The following TMEM25 variants were observed in gnomAD, a reference collection of about 807,000 sequenced individuals.
TMEM25 encodes transmembrane protein 25, also known as 0610039J01Rik.
A neutral mutation model predicts 37.0 loss-of-function variants in TMEM25; 36 were observed. The observed-to-expected ratio is 0.97, with a 90% confidence interval of 0.75 to 1.28. The LOEUF is 1.28. Among genes scored for constraint, TMEM25 ranks in the 50% most tolerant of loss-of-function variants. The probability of loss-of-function intolerance (pLI) is 0.00; values close to 1 mark genes in which losing one functional copy is unlikely to be tolerated. For missense variants in TMEM25, 444 were observed against 477.9 expected, an observed-to-expected ratio of 0.93 and a Z score of 0.66; for synonymous variants, 197 against 203.7, an observed-to-expected ratio of 0.97 and a Z score of 0.28.
downstream of TMEM25, among the ~76,000 whole-genome samples, chr11:118,536,908 T>G (rs1462266596): frequency 6.6e-6 from 1 of 152,160 alleles, no homozygotes; most frequent in Non-Finnish European, 1.5e-5. Flanking sequence ...TGTGTCTTGC[T>G]CTATGACTCA....
Position 118,535,536 on chromosome 11 carries a change from C to T in TMEM25, c.*956C>T. The stretch of plus-strand genomic sequence containing the variant: ...GTCTCCTCCACCACGGGACCCCAGC[C>T]CTGACCAACCCATGGTTGCCTCATC... On this transcript the variant is annotated 3_prime_UTR_variant, in exon 9 of 9. Transcript: ENST00000313236. The T allele has an allele frequency of 2.6e-6, 4 of 1,535,766 alleles. No homozygotes were observed. The highest frequency in any genetic ancestry group is 2.6e-6 in the Non-Finnish European group (3 of 1,146,704).
At chr11:118,533,574 AG>A (rs1456449980) in intron 5 of TMEM25, 23 bp downstream of exon 5, 1 of 1,613,422 alleles carries the variant, frequency 6.2e-7, no homozygotes, top group Non-Finnish European at 8.5e-7. Flanking sequence ...CACTGGGGGC[AG>A]TGTGGATGAG....
chr11:118,532,396 A>C lies in TMEM25; in HGVS notation c.317A>C (p.Asn106Thr), dbSNP rs372213357. The change falls in exon 3 of 9, where the codon AAC becomes ACC. Residue 106 changes from asparagine to threonine, a missense_variant. Asn to Thr is a moderately conservative substitution (Grantham distance 65, BLOSUM62 0). Transcript: ENST00000313236. ...GCCCATCGGGCCCAGCATGAGCTCA[A>C]CTGCTCTCTGCAGGACCCCAGAAGT... ...VTAHRAQHEL[N>T]CSLQDPRSGR... is the part of the protein sequence containing the mutation. 6.2e-7 allele frequency: 1 copy of C among 1,612,692 alleles called. No homozygotes were observed. Among genetic ancestry groups the C allele is most frequent in the South Asian group, 1.1e-5 (1 of 91,044 alleles).
Position 118,534,544 on chromosome 11 carries a change from AGTGTCCAGC to A in TMEM25, c.1069_1077del (p.Val359_Ser361del). On this transcript the variant is annotated inframe_deletion, in exon 9 of 9. Coordinates refer to ENST00000313236, the MANE Select transcript of TMEM25 (RefSeq NM_032780.4). The surrounding 1 kb of genome is among the most constrained non-coding windows in gnomAD (Gnocchi z 4.6). ...TCCCAGTGCTGGGCTATATCTATCG[AGTGTCCAGC>A]GTGAGCAGTGATGAGATCTGGCTCT... is the stretch of plus-strand genomic sequence containing the variant. The A allele has an allele frequency of 6.2e-7, 1 of 1,614,148 alleles. No individual in the cohort carries two copies. The highest frequency in any genetic ancestry group is 8.5e-7 in the Non-Finnish European group (1 of 1,180,022).
chr11:118,539,929 GA>G (rs1555064870), downstream of TMEM25, among the ~76,000 whole-genome samples: 1 of 149,524 alleles, frequency 6.7e-6, no homozygotes, highest in Admixed American at 6.7e-5. Flanking sequence ...GCTGAGGCAT[GA>G]GAATTGCTTG....
At chr11:118,547,058 A>T (rs2135471774), downstream of TMEM25, 1 of 152,314 alleles carries the variant, frequency 6.6e-6, no homozygotes, top group East Asian at 1.9e-4. Flanking sequence ...ATAATATTCC[A>T]TTGCATAGTA....
In TMEM25 at chr11:118,533,202, C is replaced by A; in HGVS notation, c.668C>A (p.Ala223Asp). Residue 223 changes from alanine to aspartate, a missense_variant, in exon 4 of 9, where the codon GCC becomes GAC. Coordinates refer to ENST00000313236, the MANE Select transcript of TMEM25 (RefSeq NM_032780.4). ...DVGVTSASLP[A>D]PGLLATRVEV... ...GGTGTCACCAGTGCGTCGCTTCCAG[C>A]CCCAGGTGAGCATGGCCAGCAAGCG... 1.3e-6 allele frequency: 2 copies of A among 1,591,300 alleles called. No homozygotes were observed. Among genetic ancestry groups the A allele is most frequent in the Non-Finnish European group, 1.7e-6 (2 of 1,172,540 alleles).
rs1489946155 is a variant in TMEM25, at chr11:118,535,278, C to T, written c.*698C>T. ...ACTTTTCTATTGGCCTGTGCCATCG[C>T]CCAGTATTAGCACAAGTTAGGGAGG... On this transcript the variant is annotated 3_prime_UTR_variant, in exon 9 of 9. Coordinates refer to ENST00000313236, the MANE Select transcript of TMEM25 (RefSeq NM_032780.4). 2.4e-6 allele frequency: 3 copies of T among 1,251,152 alleles called. No homozygotes were observed. Among genetic ancestry groups the T allele is most frequent in the Admixed American group, 3.9e-5 (1 of 25,946 alleles). 77.5% of individuals were successfully genotyped at this position (1,251,152 alleles called of 1,614,324 possible). A position where few individuals can be genotyped will look rare whatever the true frequency, so the allele number is the denominator to read the frequency against.
chr11:118,537,336 G>C (rs555492838), downstream of TMEM25, among the ~76,000 whole-genome samples: 1 of 151,342 alleles, frequency 6.6e-6, no homozygotes, highest in African/African-American at 2.4e-5. Flanking sequence ...GCAAGACTCC[G>C]TCCAAAAAAA....
chr11:118,533,765 C>A, intron 5 of TMEM25, 92 bp from the exon 6 acceptor site: 1 of 1,601,648 alleles, frequency 6.2e-7, no homozygotes, highest in Middle Eastern at 2.0e-4. Context: ...TTTGAGAGAC[C>A]CCTTGCCTGA....
In TMEM25 at chr11:118,535,083, A is replaced by AATTGCC. The variant is rs1239441674; in HGVS notation, c.*504_*509dup. On this transcript the variant is annotated 3_prime_UTR_variant, in exon 9 of 9. Coordinates refer to ENST00000313236, the MANE Select transcript of TMEM25 (RefSeq NM_032780.4). ...GGACCCTGCTAGCTGTGCAGAACCC[A>AATTGCC]ATTGCCCTTTGCACAGAAACCAACC... 76 of 1,020,822 alleles carry AATTGCC rather than the reference A, an allele frequency of 7.4e-5. No homozygotes were observed. Among genetic ancestry groups the AATTGCC allele is most frequent in the Non-Finnish European group, 8.6e-5 (73 of 852,462 alleles). The allele number at this position is 1,020,822 out of a possible 1,614,324, so 63.2% of individuals were successfully genotyped here. A position where few individuals can be genotyped will look rare whatever the true frequency, so the allele number is the denominator to read the frequency against.
downstream of TMEM25, chr11:118,546,692 G>A (rs912353934): frequency 2.0e-5 from 3 of 153,726 alleles, no homozygotes; most frequent in African/African-American, 7.2e-5. Context: ...TTGGTCATAT[G>A]TTTTATAGGT....
intron 8 of TMEM25, chr11:118,544,947 G>C: frequency 6.2e-7 from 1 of 1,613,704 alleles, no homozygotes; most frequent in Non-Finnish European, 8.5e-7. Flanking sequence ...CATGTCTCCA[G>C]CTTGGGAGGT....
intron 8 of TMEM25, chr11:118,545,873 A>C (rs1160707783): frequency 6.2e-7 from 1 of 1,612,696 alleles, no homozygotes; most frequent in Non-Finnish European, 8.5e-7. Context: ...GCATGGAAGG[A>C]CCAAAGTCAA....
At position 118,533,158 on chromosome 11, in the gene TMEM25, G is replaced by A; in HGVS notation, c.624G>A (p.Val208=). The A allele has an allele frequency of 1.2e-6, 2 of 1,607,900 alleles. No individual in the cohort carries two copies. The highest frequency in any genetic ancestry group is 1.7e-6 in the Non-Finnish European group (2 of 1,179,864). Residue 208 remains valine, a synonymous_variant, in exon 4 of 9, where the codon GTG becomes GTA. Coordinates refer to ENST00000313236, the MANE Select transcript of TMEM25 (RefSeq NM_032780.4). ...QLRSLAHNLS[V]VATNDVGVTS... ...GCAGCCTGGCACACAACCTCTCGGTGGTGGCCACCAATGACGTGGGTGTCA... is the reference window on the plus strand; with the variant it reads ...GCAGCCTGGCACACAACCTCTCGGTAGTGGCCACCAATGACGTGGGTGTCA...
At position 118,534,378 on chromosome 11, in the gene TMEM25, C is replaced by CCCT; in HGVS notation, c.1027+31_1027+33dup. 6.2e-7 allele frequency: 1 copy of CCCT among 1,612,720 alleles called. No homozygotes were observed. The highest frequency in any genetic ancestry group is 8.5e-7 in the Non-Finnish European group (1 of 1,179,454). On this transcript the variant is annotated intron_variant, in intron 8 of 8. Transcript: ENST00000313236. The surrounding 1 kb of genome is among the most constrained non-coding windows in gnomAD (Gnocchi z 4.6). Reference sequence around the variant, plus strand: ...AAGGTACTGGGGAAGGGGCCTGCCACCCTCCTCCTCTGCCCCCCAGCCCTG... The same window carrying CCCT: ...AAGGTACTGGGGAAGGGGCCTGCCACCCTCCTCCTCCTCTGCCCCCCAGCCCTG...
downstream of TMEM25, among the ~76,000 whole-genome samples, chr11:118,540,805 A>C (rs1017955163): frequency 6.6e-6 from 1 of 152,182 alleles, no homozygotes; most frequent in Non-Finnish European, 1.5e-5. Context: ...GCAGATTACA[A>C]CATGAAAGAA....
At position 118,533,556 on chromosome 11, in the gene TMEM25, G is replaced by C. The variant is rs1401005180; in HGVS notation, c.805+5G>C. On this transcript the variant is annotated splice_donor_5th_base_variant and intron_variant, in intron 5 of 8. Transcript: ENST00000313236. ...GAAAAGAGAAGAAAACCAAAGGTAG[G>C]CCAGGGACACTGGGGGCAGTGTGGA... is the stretch of plus-strand genomic sequence containing the variant. 26 of 1,613,832 alleles carry C rather than the reference G, an allele frequency of 1.6e-5. No individual in the cohort carries two copies. Among genetic ancestry groups the C allele is most frequent in the Non-Finnish European group, 2.2e-5 (26 of 1,179,904 alleles).
chr11:118,545,029 G>A (rs1555066710), intron 8 of TMEM25: 1 of 1,545,940 alleles, frequency 6.5e-7, no homozygotes, highest in Middle Eastern at 1.7e-4. Flanking sequence ...GAAGAGGAGA[G>A]GGAATATTGA....
Sources: gnomAD v4.1 joint callset for allele counts (sites outside exome capture counted in the v4.1 genomes callset) on GRCh38, gnomAD v4.1.1 for gene constraint, Gnocchi (gnomAD v3.1) non-coding constraint, MANE v1.5 for transcripts, NCBI Gene and HGNC (gene_info 2026-07-23, HGNC 2026-07-21) for gene names.